TTBK2: variants seen among roughly 807,000 people sequenced by gnomAD.
TTBK2 encodes the protein tau tubulin kinase 2.
TTBK2 carries 28 observed loss-of-function variants against 110.8 expected under a neutral mutation model. The observed-to-expected ratio is 0.25, with a 90% CI of 0.19 to 0.35. TTBK2 has a LOEUF of 0.35. TTBK2 is among the 10% of genes least tolerant of loss of function. TTBK2 has a pLI of 1.00. For synonymous variants in TTBK2, 532 were observed against 527.3 expected (o/e 1.01, Z -0.12); for missense variants, 1,369 against 1,500.3 (o/e 0.91, Z 1.45).
intron 13 of TTBK2, among the ~76,000 whole-genome samples, chr15:42,763,264 G>C (rs1889189973): frequency 8.9e-6 from 1 of 112,104 alleles, no homozygotes; most frequent in Admixed American, 1.1e-4. Context: ...ACCCAGGCTG[G>C]AGCACAGAGT....
At chr15:42,883,721 T>C (rs928133340) in intron 1 of TTBK2, among the ~76,000 whole-genome samples, 1 of 151,816 alleles carries the variant, frequency 6.6e-6, no homozygotes, top group African/African-American at 2.4e-5. Context: ...AATAGAATGG[T>C]TGACCTGAAT....
chr15:42,748,189 G>A (rs9783713), intron 14 of TTBK2, among the ~76,000 whole-genome samples: 41,579 of 151,980 alleles, frequency 0.27, 6,726 homozygotes, highest in African/African-American at 0.44. Flanking sequence ...GGGCACGGTG[G>A]CTCACACCTG....
chr15:42,826,918 TA>T (rs1471068128), intron 6 of TTBK2, among the ~76,000 whole-genome samples: 1 of 152,114 alleles, frequency 6.6e-6, no homozygotes, highest in African/African-American at 2.4e-5. Flanking sequence ...AGGAGAGAAC[TA>T]GGGGGAAAAG....
rs1395903522 is a variant in TTBK2, at chr15:42,840,586, C to T, written c.218-153G>A. On this transcript the variant is annotated intron_variant, in intron 3 of 14. Transcript: ENST00000267890. ...AAACTTATATTATTCAAATTTTCTA[C>T]CTACCTCTTCTCCTCCCAGGCACTG... 5 of 755,254 alleles carry T rather than the reference C, an allele frequency of 6.6e-6. No homozygotes were observed. The African/African-American group carries it at 8.6e-5, about 13-fold the overall frequency. 46.8% of individuals were successfully genotyped at this position (755,254 alleles called of 1,614,324 possible). A position where few individuals can be genotyped will look rare whatever the true frequency, so the allele number is the denominator to read the frequency against.
intron 10 of TTBK2, among the ~76,000 whole-genome samples, chr15:42,793,820 A>G (rs896309307): frequency 1.3e-5 from 2 of 152,094 alleles, no homozygotes; most frequent in African/African-American, 4.8e-5. Context: ...CTGGGCAACA[A>G]GAATGAAACT....
rs1890857345 is a variant in TTBK2 at position 42,794,719 on chromosome 15, T to C, written c.905A>G (p.Asn302Ser). The change falls in exon 10 of 15, where the codon AAT becomes AGT. Residue 302 changes from asparagine (N) to serine (S), a missense_variant. Physicochemically the swap from Asn to Ser is conservative, Grantham distance 46. Transcript: ENST00000267890. Reference protein sequence around the residue: ...SDPFDWEKTGNDGSLTTTTTS... With the variant: ...SDPFDWEKTGSDGSLTTTTTS... ...AGTGGTGGTTGTTAGGGAGCCATCA[T>C]TTCCAGTCTTCTCCCAGTCAAAAGG... 2 of 1,614,060 alleles carry C rather than the reference T, an allele frequency of 1.2e-6. No individual in the cohort carries two copies. The highest frequency in any genetic ancestry group is 1.7e-6 in the Non-Finnish European group (2 of 1,180,034).
intron 9 of TTBK2, 47 bp from the exon 10 acceptor site, chr15:42,794,848 T>G (rs551110327): frequency 6.2e-7 from 1 of 1,605,786 alleles, no homozygotes; most frequent in African/African-American, 1.3e-5. Flanking sequence ...GTAAACATAG[T>G]CACTTTATTC....
Position 42,794,631 on chromosome 15 carries a change from G to A in TTBK2, c.980+13C>T, listed in dbSNP as rs148102841. 16 of 1,614,126 alleles carry A rather than the reference G, an allele frequency of 9.9e-6. No individual in the cohort carries two copies. In the East Asian group the frequency reaches 3.1e-4, roughly 31 times the overall value. Reference sequence around the variant, plus strand: ...CAGGAAAGACACCACCAAATGATCTGTTTAGGACATACCCAATTGCAGCAG... The same window carrying A: ...CAGGAAAGACACCACCAAATGATCTATTTAGGACATACCCAATTGCAGCAG... On this transcript the variant is annotated intron_variant, in intron 10 of 14. Transcript: ENST00000267890.
At chr15:42,820,264 C>T (rs767308757) in intron 6 of TTBK2, among the ~76,000 whole-genome samples, 1 of 152,142 alleles carries the variant, frequency 6.6e-6, no homozygotes, top group Non-Finnish European at 1.5e-5. Context: ...AAAACAGTCA[C>T]ATATGCAAAT....
rs1428535198 is a variant in TTBK2 at position 42,857,600 on chromosome 15, T to C, written c.217+15011A>G. ...GGTTTCCTCTCCAATGAGTCTCTAA[T>C]CCATTCTTAAAACTGGTCACCTGAG... On this transcript the variant is annotated intron_variant, in intron 3 of 14. Coordinates refer to ENST00000267890, the MANE Select transcript of TTBK2 (RefSeq NM_173500.4). 1.3e-5 allele frequency: 2 copies of C among 152,118 alleles called. 1 individual carries two copies. The highest frequency in any genetic ancestry group is 2.9e-5 in the Non-Finnish European group (2 of 68,028). The allele number at this position is 152,118 out of a possible 1,614,324, so 9.4% of individuals were successfully genotyped here. A position where few individuals can be genotyped will look rare whatever the true frequency, so the allele number is the denominator to read the frequency against.
chr15:42,790,587 G>A (rs920776519), intron 10 of TTBK2, among the ~76,000 whole-genome samples: 5 of 151,786 alleles, frequency 3.3e-5, no homozygotes, highest in Non-Finnish European at 5.9e-5. Context: ...TGCCTGGCCC[G>A]TACTTTAATT....
At chr15:42,900,724 C>T (rs767076524) in intron 1 of TTBK2, among the ~76,000 whole-genome samples, 1 of 151,188 alleles carries the variant, frequency 6.6e-6, no homozygotes, top group Non-Finnish European at 1.5e-5. Context: ...TCCATCCCCC[C>T]ACCAAAAAAA....
intron 6 of TTBK2, among the ~76,000 whole-genome samples, chr15:42,823,655 TGCCCAACATGTG>T (rs2140968057): frequency 6.6e-6 from 1 of 152,312 alleles, no homozygotes; most frequent in East Asian, 1.9e-4. Context: ...AAAACAAGCT[TGCCCAACATGTG>T]GCCCAGGATG....
In TTBK2 at chr15:42,752,137, C is replaced by T; in HGVS notation, c.3109G>A (p.Glu1037Lys). 6.2e-7 allele frequency: 1 copy of T among 1,614,176 alleles called. No individual in the cohort carries two copies. Among genetic ancestry groups the T allele is most frequent in the South Asian group, 1.1e-5 (1 of 91,082 alleles). ...ATGATGGGTGACAGAAAGCTATCTT[C>T]AGCTGACCTACTCAGGTGAGAATCT... ...TVDSHLSRSA[E>K]DSFLSPIISQ... Residue 1037 changes from glutamate (E) to lysine (K), a missense_variant, in exon 14 of 15, where the codon GAA becomes AAA. Physicochemically the swap from Glu to Lys is moderately conservative, Grantham distance 56 (BLOSUM62 1). Coordinates refer to ENST00000267890, the MANE Select transcript of TTBK2 (RefSeq NM_173500.4).
intron 1 of TTBK2, 143 bp from the exon 2 acceptor site, chr15:42,878,827 AT>A (rs1393134322): frequency 1.3e-5 from 13 of 1,031,100 alleles, no homozygotes; most frequent in Non-Finnish European, 1.6e-5. Context: ...AGACCTAGAA[AT>A]GTTTGATGCG....
chr15:42,802,116 G>A (rs781781460), intron 9 of TTBK2: 1 of 1,459,626 alleles, frequency 6.9e-7, no homozygotes, highest in South Asian at 1.1e-5. Flanking sequence ...AAAACTTGTT[G>A]TTGAGGGTCT....
intron 3 of TTBK2, among the ~76,000 whole-genome samples, chr15:42,854,170 C>T (rs902318393): frequency 2.0e-4 from 30 of 152,238 alleles, no homozygotes; most frequent in African/African-American, 7.0e-4. Context: ...ACTCCTGGGC[C>T]TCAAGTGATC....
chr15:42,837,378 C>A (rs1893032463), intron 4 of TTBK2, among the ~76,000 whole-genome samples: 2 of 146,268 alleles, frequency 1.4e-5, no homozygotes, highest in South Asian at 4.3e-4. Context: ...AAAAAAAAGG[C>A]CAGGCATGGT....
At chr15:42,800,198 A>C (rs1891125262) in intron 9 of TTBK2, 2 of 409,148 alleles carry the variant, frequency 4.9e-6, no homozygotes, top group Admixed American at 6.7e-5. Flanking sequence ...TAAAACTTTT[A>C]TAATGACCAC....
Sources: gnomAD v4.1 joint callset for allele counts (sites outside exome capture counted in the v4.1 genomes callset) on GRCh38, gnomAD v4.1.1 for gene constraint, MANE v1.5 for transcripts, NCBI Gene and HGNC (gene_info 2026-07-23, HGNC 2026-07-21) for gene names.